The following GABRR3 variants were observed in gnomAD, a reference collection of about 807,000 sequenced individuals.
The protein encoded by GABRR3 is gamma-aminobutyric acid receptor subunit rho-3.
In GABRR3, 29 loss-of-function variants were observed where a neutral mutation model predicts 43.2. The observed-to-expected ratio is 0.67, with a 90% CI of 0.50 to 0.92. The LOEUF (loss-of-function observed/expected upper bound fraction) is 0.92, where lower values mean the gene tolerates loss of function less well. Among genes scored for constraint, GABRR3 ranks in the 40% least tolerant of loss-of-function variants. GABRR3 has a pLI of 0.00. For synonymous variants in GABRR3, 206 were observed against 195.9 expected (o/e 1.05, Z -0.43); for missense variants, 576 against 572.3 (o/e 1.01, Z -0.07).
exon 4 of GABRR3, chr3:98,017,720 A>C (rs1414757548): frequency 1.2e-6 from 2 of 1,606,088 alleles, no homozygotes; most frequent in Non-Finnish European, 1.7e-6. Context: ...GGCACTGGAG[A>C]CCCTTAAGAA....
At chr3:98,000,856 G>A (rs1706629681) in intron 8 of GABRR3, 1 of 152,110 alleles carries the variant, frequency 6.6e-6, no homozygotes, top group African/African-American at 2.4e-5. Flanking sequence ...TAAGTAACAT[G>A]TCATCTAAGT....
At chr3:98,004,913 A>G (rs997087861) in intron 7 of GABRR3, among the ~76,000 whole-genome samples, 27 of 152,080 alleles carry the variant, frequency 1.8e-4, no homozygotes, top group Admixed American at 1.6e-3. Flanking sequence ...TGAGTTTGTC[A>G]GAAGATTATG....
At position 97,993,065 on chromosome 3, in the gene GABRR3, G is replaced by A. The variant is rs1173908964; in HGVS notation, c.908-17C>T. 2 of 1,573,194 alleles carry A rather than the reference G, an allele frequency of 1.3e-6. No individual in the cohort carries two copies. The highest frequency in any genetic ancestry group is 8.6e-7 in the Non-Finnish European group (1 of 1,156,514). On this transcript the variant is annotated splice_polypyrimidine_tract_variant and intron_variant, in intron 8 of 9. Coordinates refer to ENST00000621172, the Ensembl canonical transcript of GABRR3. Reference sequence around the variant, plus strand: ...TGGTGATTCCTGCCATTTGAGAATAGTGGCAAGCTCAGTGATATAGCCATT... The same window carrying A: ...TGGTGATTCCTGCCATTTGAGAATAATGGCAAGCTCAGTGATATAGCCATT...
chr3:98,014,040 A>G (rs1056680978), intron 4 of GABRR3, among the ~76,000 whole-genome samples: 2 of 152,208 alleles, frequency 1.3e-5, no homozygotes, highest in South Asian at 2.1e-4. Flanking sequence ...GAGAGTAGAA[A>G]GATGATAAAT....
chr3:97,991,728 TGGGG>T (rs778974244), intron 9 of GABRR3, among the ~76,000 whole-genome samples: 5 of 152,132 alleles, frequency 3.3e-5, no homozygotes, highest in Non-Finnish European at 7.4e-5. Flanking sequence ...AGATCTATAC[TGGGG>T]GCTGACAGGA....
exon 7 of GABRR3, chr3:98,007,839 C>T (rs1186746055): frequency 1.7e-5 from 28 of 1,611,856 alleles, no homozygotes; most frequent in Non-Finnish European, 2.2e-5. Flanking sequence ...GACATATGTT[C>T]TTCAGTATTT....
intron 7 of GABRR3, among the ~76,000 whole-genome samples, chr3:98,005,370 T>C (rs1370767975): frequency 6.6e-6 from 1 of 152,170 alleles, no homozygotes; most frequent in African/African-American, 2.4e-5. Context: ...TATTAATGTA[T>C]TATGGATAAG....
intron 2 of GABRR3, among the ~76,000 whole-genome samples, chr3:98,026,602 G>GTCATCATCATCATCATCA (rs367904103): frequency 4.9e-5 from 5 of 101,528 alleles, no homozygotes; most frequent in South Asian, 3.3e-4. Flanking sequence ...AAAGGTGGCT[G>GTCATCATCATCATCATCA]TCATCATCAT....
At chr3:97,993,015 A>G in exon 9 of GABRR3, 1 of 1,612,088 alleles carries the variant, frequency 6.2e-7, no homozygotes, top group Non-Finnish European at 8.5e-7. Flanking sequence ...CACAGCAGTG[A>G]TGATTGTGGA....
intron 2 of GABRR3, among the ~76,000 whole-genome samples, chr3:98,027,345 G>A (rs565434635): frequency 6.6e-4 from 101 of 152,280 alleles, no homozygotes; most frequent in African/African-American, 2.4e-3. Flanking sequence ...GAAAATAGTA[G>A]ACATTTAATA....
intron 5 of GABRR3, 162 bp from the exon 6 acceptor site, chr3:98,009,200 G>A (rs1706758759): frequency 6.4e-6 from 1 of 155,538 alleles, no homozygotes; most frequent in Non-Finnish European, 1.4e-5. Flanking sequence ...ATGCAAGGAA[G>A]CAAACTCAGG....
intron 3 of GABRR3, among the ~76,000 whole-genome samples, chr3:98,018,278 G>A (rs539633514): frequency 1.3e-5 from 2 of 152,306 alleles, no homozygotes; most frequent in South Asian, 4.1e-4. Context: ...GAGACTAAAA[G>A]TACAGTGCCA....
intron 8 of GABRR3, chr3:97,998,258 A>AGGGATTTTGATCTTTC (rs1706588501): frequency 6.6e-6 from 1 of 152,310 alleles, no homozygotes; most frequent in Non-Finnish European, 1.5e-5. Flanking sequence ...TTTAGACTTT[A>AGGGATTTTGATCTTTC]GGGATTTTGA....
chr3:98,001,302 T>C, intron 8 of GABRR3: 1 of 279,130 alleles, frequency 3.6e-6, no homozygotes, highest in East Asian at 6.4e-5. Flanking sequence ...GGAGGTTTTC[T>C]TAAAAAAGAA....
chr3:98,023,087 A>G (rs950143004), intron 3 of GABRR3, among the ~76,000 whole-genome samples: 1 of 152,110 alleles, frequency 6.6e-6, no homozygotes, highest in African/African-American at 2.4e-5. Flanking sequence ...AGTTTTATTT[A>G]GAATCCTGAG....
intron 3 of GABRR3, 129 bp from the exon 4 acceptor site, chr3:98,017,851 T>C: frequency 1.7e-6 from 1 of 604,572 alleles, no homozygotes; most frequent in East Asian, 2.9e-5. Flanking sequence ...AACAACAAAT[T>C]TCTCCATTAT....
At chr3:97,996,960 A>G (rs901043632) in intron 8 of GABRR3, among the ~76,000 whole-genome samples, 1 of 152,224 alleles carries the variant, frequency 6.6e-6, no homozygotes, top group Non-Finnish European at 1.5e-5. Context: ...CTGGCAACTT[A>G]ACAACTACGT....
chr3:98,034,163 G>T (rs1385357422), intron 2 of GABRR3, among the ~76,000 whole-genome samples: 2 of 152,066 alleles, frequency 1.3e-5, no homozygotes, highest in African/African-American at 4.8e-5. Context: ...GATTATTAAA[G>T]GTATATGGGT....
chr3:97,989,426 G>A (rs1253919345), intron 9 of GABRR3, among the ~76,000 whole-genome samples: 1 of 148,360 alleles, frequency 6.7e-6, no homozygotes, highest in Non-Finnish European at 1.5e-5. Flanking sequence ...TGGGTGGTTA[G>A]TGGTGAGTAG....
Sources: gnomAD v4.1 joint callset for allele counts (sites outside exome capture counted in the v4.1 genomes callset) on GRCh38, gnomAD v4.1.1 for gene constraint, MANE v1.5 for transcripts, NCBI Gene and HGNC (gene_info 2026-07-23, HGNC 2026-07-21) for gene names.